Variants in VAV3 observed in about 807,000 individuals in gnomAD.
VAV3 encodes guanine nucleotide exchange factor VAV3.
A neutral mutation model predicts 131.2 loss-of-function variants in VAV3; 94 were observed. The ratio of observed to expected loss-of-function variants is 0.72; its 90% CI spans 0.61 to 0.85. The LOEUF is 0.85. Ranked by LOEUF, VAV3 falls within the 40% of genes least tolerant of loss-of-function variation. The pLI is 0.00. For synonymous variants in VAV3, 349 were observed against 342.0 expected, an observed-to-expected ratio of 1.02 and a Z score of -0.22; for missense variants, 939 against 1,002.7, an observed-to-expected ratio of 0.94 and a Z score of 0.86.
At chr1:107,826,521 G>GA (rs1212468682) in intron 2 of VAV3, among the ~76,000 whole-genome samples, 7 of 152,116 alleles carry the variant, frequency 4.6e-5, no homozygotes, top group Admixed American at 4.6e-4. Flanking sequence ...GTCGTTTTTG[G>GA]AAAAAATGAA....
rs1365947647 is a variant in VAV3 at position 107,944,891 on chromosome 1, C to A, written c.204+19775G>T. Among the ~76,000 whole-genome samples, 3 of 152,294 alleles carry A rather than the reference C, an allele frequency of 2.0e-5. No homozygotes were observed. In the East Asian group the frequency reaches 5.8e-4, roughly 29 times the overall value. ...AAAGTGCTAGGATTACAGGAATGAG[C>A]GACTGTGCCCAGCCACAAAATGCAG... On this transcript the variant is annotated intron_variant, in intron 1 of 26. Transcript: ENST00000370056.
chr1:107,672,268 C>CAAAAAAAAAAAAAAAAAAAAAAAAAA (rs11299420), intron 19 of VAV3: 1 of 77,740 alleles, frequency 1.3e-5, no homozygotes, highest in Non-Finnish European at 2.5e-5. Context: ...GACTCTGTCT[C>CAAAAAAAAAAAAAAAAAAAAAAAAAA]AAAAAAAAAA....
intron 1 of VAV3, among the ~76,000 whole-genome samples, chr1:107,961,368 C>T (rs1023013438): frequency 3.9e-5 from 6 of 152,164 alleles, no homozygotes; most frequent in Admixed American, 6.6e-5. Flanking sequence ...ACCCCCAGCC[C>T]CAACCCCAGC....
chr1:107,786,369 A>C (rs1666004109), intron 2 of VAV3, among the ~76,000 whole-genome samples: 1 of 152,238 alleles, frequency 6.6e-6, no homozygotes, highest in Non-Finnish European at 1.5e-5. Context: ...CTCAGAAGTC[A>C]GATTTTCTGG....
At chr1:107,843,600 G>A (rs1358255863) in intron 2 of VAV3, among the ~76,000 whole-genome samples, 1 of 151,122 alleles carries the variant, frequency 6.6e-6, no homozygotes, top group South Asian at 2.1e-4. Flanking sequence ...GCCATCTGCT[G>A]AAGTATGAGC....
intron 17 of VAV3, among the ~76,000 whole-genome samples, chr1:107,688,887 C>A (rs1031956647): frequency 1.3e-5 from 2 of 151,956 alleles, no homozygotes; most frequent in Admixed American, 6.6e-5. Flanking sequence ...GTGGCTATAA[C>A]TTTTATTTTT....
At chr1:107,771,444 G>A (rs749407230) in intron 5 of VAV3, among the ~76,000 whole-genome samples, 6 of 152,046 alleles carry the variant, frequency 3.9e-5, no homozygotes, top group African/African-American at 1.4e-4. Flanking sequence ...TAGTAGAGAC[G>A]AGGTTTCACC....
At chr1:107,616,865 T>C (rs1178589976) in intron 21 of VAV3, among the ~76,000 whole-genome samples, 1 of 152,122 alleles carries the variant, frequency 6.6e-6, no homozygotes, top group Non-Finnish European at 1.5e-5. Flanking sequence ...AGTAAAGAAA[T>C]TTCATTTACT....
At chr1:107,757,182 T>C (rs1664155134) in intron 11 of VAV3, 79 bp downstream of exon 11, 2 of 874,654 alleles carry the variant, frequency 2.3e-6, no homozygotes, top group East Asian at 5.0e-5. Flanking sequence ...TGTGTGTGTG[T>C]GTGTGTATGC....
chr1:107,823,451 A>C (rs1667884896), intron 2 of VAV3, among the ~76,000 whole-genome samples: 1 of 152,168 alleles, frequency 6.6e-6, no homozygotes, highest in Non-Finnish European at 1.5e-5. Context: ...AGAAATGATA[A>C]GTGAAGCAAT....
chr1:107,848,468 C>A (rs2100945828), intron 2 of VAV3, among the ~76,000 whole-genome samples: 1 of 152,172 alleles, frequency 6.6e-6, no homozygotes, highest in African/African-American at 2.4e-5. Context: ...GAACCAATGA[C>A]AAAACAACCA....
intron 1 of VAV3, among the ~76,000 whole-genome samples, chr1:107,902,872 A>G (rs1033809142): frequency 6.6e-6 from 1 of 152,230 alleles, no homozygotes; most frequent in African/African-American, 2.4e-5. Flanking sequence ...GCCATAACAC[A>G]TAGAGAACCT....
chr1:107,931,305 T>A (rs763758846), intron 1 of VAV3, among the ~76,000 whole-genome samples: 1 of 152,208 alleles, frequency 6.6e-6, no homozygotes, highest in African/African-American at 2.4e-5. Flanking sequence ...AAAAACAGCA[T>A]GATGCCTGGG....
intron 19 of VAV3, chr1:107,668,594 G>C: frequency 1.0e-6 from 1 of 973,748 alleles, no homozygotes; most frequent in Non-Finnish European, 1.2e-6. Context: ...CAGTCATGGA[G>C]TACAATGAAA....
intron 19 of VAV3, among the ~76,000 whole-genome samples, chr1:107,671,770 A>G (rs1657813149): frequency 1.1e-5 from 1 of 91,528 alleles, no homozygotes; most frequent in African/African-American, 5.9e-5. Flanking sequence ...AGTTTGTCAT[A>G]TTTTACCAAA....
intron 19 of VAV3, among the ~76,000 whole-genome samples, chr1:107,663,008 C>G (rs1657134995): frequency 6.6e-6 from 1 of 152,132 alleles, no homozygotes; most frequent in African/African-American, 2.4e-5. Flanking sequence ...CAGTTCTTTA[C>G]AAGTCTAAGC....
chr1:107,796,879 C>A (rs1557853137), intron 2 of VAV3, among the ~76,000 whole-genome samples: 1 of 150,926 alleles, frequency 6.6e-6, no homozygotes, highest in Non-Finnish European at 1.5e-5. Context: ...AAATGTTTGC[C>A]ATCCATATAT....
intron 20 of VAV3, among the ~76,000 whole-genome samples, chr1:107,641,906 G>A (rs1300678876): frequency 1.3e-5 from 2 of 152,042 alleles, no homozygotes; most frequent in Non-Finnish European, 2.9e-5. Context: ...AATTTTTGTT[G>A]CAACTTTGGC....
intron 2 of VAV3, among the ~76,000 whole-genome samples, chr1:107,818,410 T>C (rs1015318740): frequency 4.0e-5 from 6 of 150,546 alleles, no homozygotes; most frequent in African/African-American, 1.5e-4. Flanking sequence ...CTTTCAGTAA[T>C]GATTACCTAG....
Sources: allele counts gnomAD v4.1 joint callset (sites outside exome capture counted in the v4.1 genomes callset), GRCh38; gene constraint gnomAD v4.1.1; transcripts MANE v1.5; gene names NCBI Gene and HGNC (gene_info 2026-07-23, HGNC 2026-07-21).